The following SSC5D variants were observed in gnomAD, a reference collection of about 807,000 sequenced individuals.
SSC5D encodes the protein scavenger receptor cysteine rich family member with 5 domains.
In SSC5D, 106 loss-of-function variants were observed where a neutral mutation model predicts 104.6. The ratio of observed to expected loss-of-function variants is 1.01; its 90% CI spans 0.87 to 1.19. The LOEUF is 1.19. Ranked by LOEUF, SSC5D falls within the 50% of genes most tolerant of loss-of-function variation. The pLI, the probability that SSC5D is intolerant of heterozygous loss-of-function variation, is 0.00. For missense variants in SSC5D, 1,993 were observed against 2,153.8 expected (o/e 0.93, Z 1.48); for synonymous variants, 860 against 883.5 (o/e 0.97, Z 0.47).
At chr19:55,513,749 T>G in intron 13 of SSC5D, among the ~76,000 whole-genome samples, 1 of 152,030 alleles carries the variant, frequency 6.6e-6, no homozygotes, top group East Asian at 1.9e-4. Context: ...TGATAAACAT[T>G]CACAATGCAC....
chr19:55,495,233 A>ATATATATATATATATATATATATTTATTT (rs1555765051), intron 8 of SSC5D, among the ~76,000 whole-genome samples: 1 of 50,668 alleles, frequency 2.0e-5, no homozygotes, highest in Admixed American at 3.2e-4. Flanking sequence ...ATATATATAT[A>ATATATATATATATATATATATATTTATTT]TTTTTTTTTT....
At chr19:55,516,511 A>G (rs1987875774) in intron 13 of SSC5D, among the ~76,000 whole-genome samples, 1 of 150,910 alleles carries the variant, frequency 6.6e-6, no homozygotes, top group Admixed American at 6.6e-5. Context: ...AAAAAAAAAA[A>G]GTCACTGAAG....
chr19:55,493,978 C>CCG, intron 7 of SSC5D, 66 bp downstream of exon 7: 1 of 48,804 alleles, frequency 2.0e-5, no homozygotes, highest in Non-Finnish European at 2.8e-5. Context: ...GGGGCAAGTT[C>CCG]GGCGGGGGCG....
At position 55,513,056 on chromosome 19, in the gene SSC5D, C is replaced by G; in HGVS notation, c.2831C>G (p.Ser944Ter). ...CTTCCCTGGACGTGGGACACACCAT[C>G]AGGAAGGGGCCTGGCTGAGGGGACC... is the stretch of plus-strand genomic sequence containing the variant. ...YKLPWTWDTP[S>*]GRGLAEGTPT... The change falls in exon 13 of 14, where the codon TCA becomes TGA. Residue 944 changes from serine (S) to a stop codon, truncating the protein, a stop_gained. Coordinates refer to ENST00000389623, the MANE Select transcript of SSC5D (RefSeq NM_001144950.2). LOFTEE classifies it high-confidence loss of function. The G allele has an allele frequency of 6.4e-7, 1 of 1,551,924 alleles. No individual in the cohort carries two copies. The highest frequency in any genetic ancestry group is 8.7e-7 in the Non-Finnish European group (1 of 1,147,036).
chr19:55,500,305 G>T lies in SSC5D; in HGVS notation c.2195G>T (p.Ser732Ile), dbSNP rs890007721. Residue 732 changes from serine to isoleucine, a missense_variant, in exon 10 of 14, where the codon AGT becomes ATT. Transcript: ENST00000389623. The surrounding 1 kb of genome is among the most constrained non-coding windows in gnomAD (Gnocchi z 4.6). ...QEMTSESTIK[S>I]IPQASLEPSA... ...ATGACCTCTGAGTCCACTATCAAGAGTATCCCTCAGGCCTCCCTGGAGCCA... is the reference window on the plus strand; with the variant it reads ...ATGACCTCTGAGTCCACTATCAAGATTATCCCTCAGGCCTCCCTGGAGCCA... 3 of 1,551,320 alleles carry T rather than the reference G, an allele frequency of 1.9e-6. No individual in the cohort carries two copies. In the African/African-American group the frequency reaches 4.1e-5, roughly 21 times the overall value.
chr19:55,495,899 CT>C (rs1987314393), intron 8 of SSC5D, among the ~76,000 whole-genome samples: 1 of 129,518 alleles, frequency 7.7e-6, no homozygotes, highest in Non-Finnish European at 1.6e-5. Flanking sequence ...CCGAGCCTGG[CT>C]ATTTTTTTTT....
At chr19:55,514,443 AATAATAAT>A (rs1220568950) in intron 13 of SSC5D, among the ~76,000 whole-genome samples, 1 of 79,312 alleles carries the variant, frequency 1.3e-5, no homozygotes, top group African/African-American at 7.8e-5. Context: ...TAATAATAAT[AATAATAAT>A]AATAATAGGT....
chr19:55,504,218 A>G, intron 12 of SSC5D: 1 of 1,532,942 alleles, frequency 6.5e-7, no homozygotes, highest in Non-Finnish European at 8.7e-7. Flanking sequence ...GGAGGCGGGC[A>G]CGTGCCGGGC....
At position 55,506,314 on chromosome 19, in the gene SSC5D, A is replaced by T. The variant is rs1355959207; in HGVS notation, c.2785+5113A>T. 1.3e-5 allele frequency among the ~76,000 whole-genome samples: 2 copies of T among 149,408 alleles called. 1 individual carries two copies. Among genetic ancestry groups the T allele is most frequent in the African/African-American group, 5.0e-5 (2 of 39,874 alleles). On this transcript the variant is annotated intron_variant, in intron 12 of 13. Coordinates refer to ENST00000389623, the MANE Select transcript of SSC5D (RefSeq NM_001144950.2). ...TTTGTTAAATGAATGAACAAATGAGAGATGACATTGTAAGTCTAAGAGACA... is the reference window on the plus strand; with the variant it reads ...TTTGTTAAATGAATGAACAAATGAGTGATGACATTGTAAGTCTAAGAGACA...
rs1475453288 is a variant in SSC5D at position 55,518,105 on chromosome 19, C to T, written c.3829C>T (p.Pro1277Ser). Residue 1277 changes from proline (P) to serine (S), a missense_variant, in exon 14 of 14, where the codon CCC becomes TCC. Pro to Ser is a moderately conservative substitution (Grantham distance 74). Around this residue, in one of 6 missense-constraint regions of SSC5D, gnomAD observed 349 missense variants for 397.6 expected, o/e 0.88. Transcript: ENST00000389623. ...CATGCAGCCCACCACGATGCCTCAT[C>T]CCACCACGACCCCTCACCCCACCAC... ...TTMQPTTMPHPTTTPHPTTTP... is the reference protein window; with the variant it reads ...TTMQPTTMPHSTTTPHPTTTP... 1.4e-6 allele frequency: 2 copies of T among 1,465,846 alleles called. No individual in the cohort carries two copies. The highest frequency in any genetic ancestry group is 2.1e-5 in the Admixed American group (1 of 47,278). The allele number at this position is 1,465,846 out of a possible 1,614,324, so 90.8% of individuals were successfully genotyped here.
chr19:55,490,292 TCCCAGCC>T lies in SSC5D; in HGVS notation c.476-2_480del. Reference sequence around the variant, plus strand: ...GCTCCTGACCCCTGGCTGTCTCCACTCCCAGCCCCCCGCCCAGCTGGGAACCCCCAGA... The same window carrying T: ...GCTCCTGACCCCTGGCTGTCTCCACTCCCCGCCCAGCTGGGAACCCCCAGA... On this transcript the variant is annotated splice_acceptor_variant and splice_polypyrimidine_tract_variant and coding_sequence_variant and intron_variant, in exon 5 of 14. Coordinates refer to ENST00000389623, the MANE Select transcript of SSC5D (RefSeq NM_001144950.2). LOFTEE classifies it high-confidence loss of function. 2.2e-6 allele frequency: 2 copies of T among 898,254 alleles called. No homozygotes were observed. The highest frequency in any genetic ancestry group is 3.5e-6 in the Non-Finnish European group (2 of 564,368). The allele number at this position is 898,254 out of a possible 1,614,324, so 55.6% of individuals were successfully genotyped here.
rs1191236460 is a variant in SSC5D at position 55,493,706 on chromosome 19, G to A, written c.1007G>A (p.Arg336Gln). 37 of 1,513,580 alleles carry A rather than the reference G, an allele frequency of 2.4e-5. No homozygotes were observed. In the South Asian group the frequency reaches 3.3e-4, roughly 14 times the overall value. 93.8% of individuals were successfully genotyped at this position (1,513,580 alleles called of 1,614,324 possible). ...GSVCDDAWDL[R>Q]DAAVACRELG... is the part of the protein sequence containing the mutation. The stretch of plus-strand genomic sequence containing the variant: ...GTGTGTGACGACGCCTGGGACCTGC[G>A]AGACGCCGCTGTGGCCTGCCGAGAG... The change falls in exon 7 of 14, where the codon CGA (arginine) becomes CAA (glutamine). Residue 336 changes from arginine (R) to glutamine (Q), a missense_variant. By Grantham distance (43) the Arg-to-Gln change is conservative. This residue lies in a region of SSC5D where 1,101 missense variants were observed against 1,085.0 expected (regional missense o/e 1.01). Transcript: ENST00000389623.
intron 3 of SSC5D, 88 bp from the exon 4 acceptor site, chr19:55,489,794 C>G: frequency 6.8e-7 from 1 of 1,479,054 alleles, no homozygotes; most frequent in Non-Finnish European, 9.2e-7. Flanking sequence ...CCTCCAAAGC[C>G]AGGTGGCTAA....
chr19:55,516,470 C>G (rs1275497484), intron 13 of SSC5D, among the ~76,000 whole-genome samples: 1 of 150,550 alleles, frequency 6.6e-6, no homozygotes, highest in African/African-American at 2.4e-5. Context: ...GCACTCCAGC[C>G]TGGGCGACAG....
intron 2 of SSC5D, 60 bp downstream of exon 2, chr19:55,489,092 C>A: frequency 2.0e-6 from 2 of 1,003,132 alleles, no homozygotes; most frequent in Non-Finnish European, 2.7e-6. Flanking sequence ...CCCTTCTGCC[C>A]ATCCAGGCCT....
chr19:55,510,529 A>T lies in SSC5D; in HGVS notation c.2786-2482A>T, dbSNP rs188640814. ...ACGCCTGGCTAATTTTTGTATTTTT[A>T]GTAGAGATGGGGTTTCACCATGTTG... is the stretch of plus-strand genomic sequence containing the variant. On this transcript the variant is annotated intron_variant, in intron 12 of 13. Transcript: ENST00000389623. Among the ~76,000 whole-genome samples, 239 of 151,346 alleles carry T rather than the reference A, an allele frequency of 1.6e-3. 1 individual carries two copies. The highest frequency in any genetic ancestry group is 4.7e-3 in the Admixed American group (71 of 15,196).
chr19:55,514,185 C>G (rs1893667980), intron 13 of SSC5D, among the ~76,000 whole-genome samples: 1 of 150,674 alleles, frequency 6.6e-6, no homozygotes, highest in South Asian at 2.1e-4. Context: ...GCGGGCAGAT[C>G]ACGAGGTCAG....
At chr19:55,507,395 C>T (rs562074210) in intron 12 of SSC5D, among the ~76,000 whole-genome samples, 120 of 147,404 alleles carry the variant, frequency 8.1e-4, no homozygotes, top group Admixed American at 1.4e-3. Context: ...GGGCCGGGCG[C>T]GGTGCCTCAC....
At chr19:55,512,572 C>A (rs958662731) in intron 12 of SSC5D, among the ~76,000 whole-genome samples, 3 of 151,706 alleles carry the variant, frequency 2.0e-5, no homozygotes, top group Non-Finnish European at 4.4e-5. Context: ...ACCTCTGTCT[C>A]CCAGGTTCAA....
Sources: gnomAD v4.1 joint callset for allele counts (sites outside exome capture counted in the v4.1 genomes callset) on GRCh38, gnomAD v4.1.1 for gene constraint, gnomAD v4.1.1 regional missense constraint, Gnocchi (gnomAD v3.1) non-coding constraint, MANE v1.5 for transcripts, NCBI Gene and HGNC (gene_info 2026-07-23, HGNC 2026-07-21) for gene names.